RAP1A: variants seen among roughly 807,000 people sequenced by gnomAD.
RAP1A encodes RAP1A, member of RAS oncogene family.
In RAP1A, 6 loss-of-function variants were observed where a neutral mutation model predicts 26.4. The observed-to-expected ratio is 0.23, with a 90% confidence interval of 0.12 to 0.45. The LOEUF is 0.45. Ranked by LOEUF, RAP1A falls within the 20% of genes least tolerant of loss-of-function variation. The pLI is 0.99. For synonymous variants in RAP1A, 73 were observed against 79.4 expected, an observed-to-expected ratio of 0.92 and a Z score of 0.43; for missense variants, 121 against 217.2, an observed-to-expected ratio of 0.56 and a Z score of 2.78.
intron 1 of RAP1A, among the ~76,000 whole-genome samples, chr1:111,572,953 T>A (rs1658077996): frequency 6.6e-6 from 1 of 152,322 alleles, no homozygotes; most frequent in East Asian, 1.9e-4. Flanking sequence ...TTTGTGTCCA[T>A]GTGTTCTCAT....
intron 1 of RAP1A, among the ~76,000 whole-genome samples, chr1:111,689,971 C>T (rs769126920): frequency 7.2e-5 from 11 of 152,192 alleles, no homozygotes; most frequent in Non-Finnish European, 1.2e-4. Flanking sequence ...CCACTGCGCC[C>T]GGCCTCAGGT....
intron 1 of RAP1A, among the ~76,000 whole-genome samples, chr1:111,575,137 T>A (rs536486886): frequency 6.6e-6 from 1 of 152,106 alleles, no homozygotes; most frequent in African/African-American, 2.4e-5. Flanking sequence ...GTTACTGAAT[T>A]TCTTTCTTTC....
At chr1:111,644,867 G>A (rs1660015392) in intron 1 of RAP1A, among the ~76,000 whole-genome samples, 1 of 152,104 alleles carries the variant, frequency 6.6e-6, no homozygotes. Flanking sequence ...AGAAGATTAT[G>A]CTTATGCTTT....
intron 1 of RAP1A, among the ~76,000 whole-genome samples, chr1:111,672,843 G>T (rs1449121120): frequency 6.6e-6 from 1 of 152,128 alleles, no homozygotes; most frequent in Non-Finnish European, 1.5e-5. Context: ...ATGTTCAGGT[G>T]CAAGAATCTT....
intron 1 of RAP1A, chr1:111,648,935 C>T: frequency 1.4e-6 from 1 of 709,580 alleles, no homozygotes; most frequent in Non-Finnish European, 2.6e-6. Flanking sequence ...CTTTATGGTT[C>T]TTCTTCATGA....
chr1:111,636,880 T>G (rs1659744385), intron 1 of RAP1A, among the ~76,000 whole-genome samples: 1 of 152,212 alleles, frequency 6.6e-6, no homozygotes, highest in Non-Finnish European at 1.5e-5. Flanking sequence ...CAGTACATAA[T>G]TTTTTAAATC....
intron 1 of RAP1A, among the ~76,000 whole-genome samples, chr1:111,672,376 A>G (rs1198037532): frequency 6.6e-6 from 1 of 152,148 alleles, no homozygotes; most frequent in Non-Finnish European, 1.5e-5. Flanking sequence ...TGAGATTGTT[A>G]TTTAGGATAC....
chr1:111,574,331 C>G (rs1658106550), intron 1 of RAP1A, among the ~76,000 whole-genome samples: 1 of 152,136 alleles, frequency 6.6e-6, no homozygotes, highest in African/African-American at 2.4e-5. Context: ...TGTTTTTGTA[C>G]CAGTGCCATG....
chr1:111,601,361 C>T (rs1658667872), intron 1 of RAP1A, among the ~76,000 whole-genome samples: 1 of 152,036 alleles, frequency 6.6e-6, no homozygotes, highest in African/African-American at 2.4e-5. Context: ...TATGATCACC[C>T]CTCACTCCTA....
At chr1:111,572,586 C>T (rs754828380) in intron 1 of RAP1A, among the ~76,000 whole-genome samples, 1 of 152,202 alleles carries the variant, frequency 6.6e-6, no homozygotes, top group African/African-American at 2.4e-5. Context: ...TTCACCACCC[C>T]ATCAATCTGC....
intron 1 of RAP1A, among the ~76,000 whole-genome samples, chr1:111,587,115 C>T (rs530803793): frequency 1.3e-5 from 2 of 152,244 alleles, no homozygotes; most frequent in African/African-American, 4.8e-5. Flanking sequence ...TTCCACCATT[C>T]TATGACATCC....
chr1:111,633,606 A>G (rs944321877), intron 1 of RAP1A, among the ~76,000 whole-genome samples: 5 of 152,224 alleles, frequency 3.3e-5, no homozygotes, highest in Admixed American at 2.0e-4. Flanking sequence ...GTCAAATAGT[A>G]TATACTCTTA....
upstream of RAP1A, chr1:111,619,748 G>T (rs1433383748): frequency 1.0e-5 from 4 of 394,768 alleles, no homozygotes; most frequent in African/African-American, 8.3e-5. Flanking sequence ...CAGGGGGCGG[G>T]GCCTGCGTGG....
At chr1:111,643,926 A>C (rs1659972114) in intron 1 of RAP1A, among the ~76,000 whole-genome samples, 1 of 152,248 alleles carries the variant, frequency 6.6e-6, no homozygotes, top group African/African-American at 2.4e-5. Context: ...AACACATTGC[A>C]GATTCTGTAG....
chr1:111,583,760 A>G (rs1209764721), intron 1 of RAP1A, among the ~76,000 whole-genome samples: 1 of 152,024 alleles, frequency 6.6e-6, no homozygotes, highest in Non-Finnish European at 1.5e-5. Flanking sequence ...AACAGTAGAT[A>G]TTTTGCAGCT....
chr1:111,689,733 G>A (rs1008724327), intron 1 of RAP1A, among the ~76,000 whole-genome samples: 3 of 151,972 alleles, frequency 2.0e-5, no homozygotes, highest in East Asian at 1.9e-4. Flanking sequence ...GCAGTGGCGC[G>A]ATCTCAGCTC....
chr1:111,709,807 GTTT>G (rs1462941245), intron 7 of RAP1A, among the ~76,000 whole-genome samples: 1 of 152,140 alleles, frequency 6.6e-6, no homozygotes, highest in Non-Finnish European at 1.5e-5. Context: ...TCCAAAATAT[GTTT>G]TTGAGAATTA....
Position 111,592,457 on chromosome 1 carries a change from T to C in RAP1A, c.-28+49948T>C, listed in dbSNP as rs954408964. Among the ~76,000 whole-genome samples the C allele has an allele frequency of 2.0e-5, 3 of 152,200 alleles. No homozygotes were observed. The East Asian group carries it at 5.8e-4, about 29-fold the overall frequency. The stretch of plus-strand genomic sequence containing the variant: ...TATATGAGCCAAAGGCACATGTATA[T>C]TGGGGAGCAGGAAACCTGAAGTTTA... On this transcript the variant is annotated intron_variant, in intron 1 of 7. Transcript: ENST00000356415.
intron 1 of RAP1A, among the ~76,000 whole-genome samples, chr1:111,684,933 A>T (rs1403143634): frequency 1.3e-5 from 2 of 152,184 alleles, no homozygotes; most frequent in Non-Finnish European, 2.9e-5. Flanking sequence ...ACCAAAACAG[A>T]TACATAGACC....
Sources: gnomAD v4.1 joint callset for allele counts (sites outside exome capture counted in the v4.1 genomes callset) on GRCh38, gnomAD v4.1.1 for gene constraint, MANE v1.5 for transcripts, NCBI Gene and HGNC (gene_info 2026-07-23, HGNC 2026-07-21) for gene names.